The following ISG20 variants were observed in gnomAD, a reference collection of about 807,000 sequenced individuals.
ISG20 encodes interferon-stimulated gene 20 kDa protein.
A neutral mutation model predicts 11.1 loss-of-function variants in ISG20; 8 were observed. That is an observed-to-expected ratio of 0.72 (90% confidence interval 0.42 to 1.30). The LOEUF is 1.30. ISG20 is among the 50% of genes most tolerant of loss of function. ISG20 has a pLI of 0.01. For missense variants in ISG20, 243 were observed against 250.2 expected (o/e 0.97, Z 0.19); for synonymous variants, 110 against 101.7 (o/e 1.08, Z -0.49).
At chr15:88,651,675 G>A (rs74553821) in intron 2 of ISG20, 21 of 604,310 alleles carry the variant, frequency 3.5e-5, no homozygotes, top group South Asian at 6.1e-5. Context: ...AGTTCTGCCC[G>A]GAACTTTAAT....
chr15:88,646,047 A>G (rs552182186), intron 2 of ISG20, among the ~76,000 whole-genome samples: 33 of 152,298 alleles, frequency 2.2e-4, no homozygotes, highest in Admixed American at 4.6e-4. Flanking sequence ...TGCTGTTGAG[A>G]TGTGGTGATG....
intron 3 of ISG20, among the ~76,000 whole-genome samples, chr15:88,654,448 GCCTGGAAAAGGAGCC>G (rs1353830741): frequency 6.6e-6 from 1 of 152,236 alleles, no homozygotes; most frequent in African/African-American, 2.4e-5. Flanking sequence ...TGTCTGGAGT[GCCTGGAAAAGGAGCC>G]CCTGTGAGAA....
rs765832326 is a variant in ISG20 at position 88,652,227 on chromosome 15, T to C, written c.346T>C (p.Leu116=). The change falls in exon 3 of 4, where the codon TTG becomes CTG. Residue 116 remains leucine, a synonymous_variant. Coordinates refer to ENST00000306072, the MANE Select transcript of ISG20 (RefSeq NM_002201.6). ...CTACGACACGTCCACTGACAGGCTG[T>C]TGTGGCGTGAGGCCAAGCTGGACCA... ...TIYDTSTDRL[L]WREAKLDHCR... is the part of the protein sequence containing the mutation. 2.3e-5 allele frequency: 37 copies of C among 1,613,934 alleles called. No individual in the cohort carries two copies. Among genetic ancestry groups the C allele is most frequent in the Admixed American group, 5.0e-5 (3 of 60,000 alleles).
intron 2 of ISG20, chr15:88,651,089 G>T: frequency 2.0e-6 from 1 of 503,802 alleles, no homozygotes; most frequent in Non-Finnish European, 2.6e-6. Flanking sequence ...ATAGAATTGC[G>T]GTCCCAGAGA....
chr15:88,639,538 G>T lies in ISG20; in HGVS notation c.172G>T (p.Gly58Trp). The T allele has an allele frequency of 1.2e-6, 2 of 1,614,158 alleles. No individual in the cohort carries two copies. The highest frequency in any genetic ancestry group is 1.7e-6 in the Non-Finnish European group (2 of 1,180,018). ...EITDYRTRVS[G>W]VTPQHMVGAT... ...CACCGATTACAGAACCCGGGTCAGC[G>T]GGGTCACCCCTCAGCACATGGTGGG... Residue 58 changes from glycine (G) to tryptophan (W), a missense_variant, in exon 2 of 4, where the codon GGG becomes TGG. Gly to Trp is a radical substitution (Grantham distance 184). Transcript: ENST00000306072. This position sits in a 1 kb window ranked among gnomAD's most constrained non-coding sequence, Gnocchi z 4.2.
chr15:88,642,306 C>A (rs2058095298), intron 2 of ISG20, among the ~76,000 whole-genome samples: 1 of 152,176 alleles, frequency 6.6e-6, no homozygotes, highest in Non-Finnish European at 1.5e-5. Context: ...CTTCATCCTA[C>A]CTTAACTAAT....
At position 88,650,851 on chromosome 15, in the gene ISG20, T is replaced by A. The variant is rs2058261897; in HGVS notation, c.229-1259T>A. Reference sequence around the variant, plus strand: ...TGCAGTGGCACGATCTCAGCTCACTTGCAATCTCCCTCCCAGGCTCAAGCA... The same window carrying A: ...TGCAGTGGCACGATCTCAGCTCACTAGCAATCTCCCTCCCAGGCTCAAGCA... On this transcript the variant is annotated intron_variant, in intron 2 of 3. Transcript: ENST00000306072. This position sits in a 1 kb window ranked among gnomAD's most constrained non-coding sequence, Gnocchi z 4.0. 1 of 153,046 alleles carries A rather than the reference T, an allele frequency of 6.5e-6. No individual in the cohort carries two copies. Among genetic ancestry groups the A allele is most frequent in the Admixed American group, 6.5e-5 (1 of 15,398 alleles). 9.5% of individuals were successfully genotyped at this position (153,046 alleles called of 1,614,324 possible).
chr15:88,640,504 C>T (rs2058062440), intron 2 of ISG20, among the ~76,000 whole-genome samples: 1 of 152,200 alleles, frequency 6.6e-6, no homozygotes, highest in Admixed American at 6.5e-5. Context: ...GGGTCAGTTT[C>T]AATCTCAGTT....
Position 88,643,695 on chromosome 15 carries a change from A to T in ISG20, c.228+4101A>T, listed in dbSNP as rs2058120011. Among the ~76,000 whole-genome samples, 1 of 152,112 alleles carries T rather than the reference A, an allele frequency of 6.6e-6. No individual in the cohort carries two copies. The highest frequency in any genetic ancestry group is 1.5e-5 in the Non-Finnish European group (1 of 68,014). On this transcript the variant is annotated intron_variant, in intron 2 of 3. Coordinates refer to ENST00000306072, the MANE Select transcript of ISG20 (RefSeq NM_002201.6). The surrounding 1 kb of genome is among the most constrained non-coding windows in gnomAD (Gnocchi z 4.4). ...ACTCCAGCCTGGGCGACAGAGCAAGACCCCATCTCAAAAAAAGAAAAAATT... is the reference window on the plus strand; with the variant it reads ...ACTCCAGCCTGGGCGACAGAGCAAGTCCCCATCTCAAAAAAAGAAAAAATT...
At chr15:88,637,031 G>T (rs2057995329), upstream of ISG20, among the ~76,000 whole-genome samples, 1 of 152,166 alleles carries the variant, frequency 6.6e-6, no homozygotes. Flanking sequence ...TGGGAGGTGG[G>T]AATGGTAAGG....
intron 2 of ISG20, chr15:88,648,397 C>T (rs139166201): frequency 1.3e-5 from 2 of 152,186 alleles, no homozygotes; most frequent in African/African-American, 4.8e-5. Flanking sequence ...ATTTTTGGAT[C>T]AGGCACATCT....
rs1400071057 is a variant in ISG20, at chr15:88,639,076, G to A, written c.-25G>A. 5.7e-6 allele frequency: 3 copies of A among 525,310 alleles called. No individual in the cohort carries two copies. The highest frequency in any genetic ancestry group is 1.0e-5 in the Non-Finnish European group (3 of 294,658). The allele number at this position is 525,310 out of a possible 1,614,324, so 32.5% of individuals were successfully genotyped here. A position where few individuals can be genotyped will look rare whatever the true frequency, so the allele number is the denominator to read the frequency against. On this transcript the variant is annotated splice_region_variant and 5_prime_UTR_variant, in exon 1 of 4. Transcript: ENST00000306072. This position sits in a 1 kb window ranked among gnomAD's most constrained non-coding sequence, Gnocchi z 4.2. ...TGAGCTGAGGGCGCAGAGGCAGGCA[G>A]GTGAGAGCGGGAGCTGGAGCAGCAG...
In ISG20 at chr15:88,655,858, T is replaced by C. The variant is rs1286647694; in HGVS notation, c.*327T>C. 1 of 222,388 alleles carries C rather than the reference T, an allele frequency of 4.5e-6. No individual in the cohort carries two copies. Among genetic ancestry groups the C allele is most frequent in the African/African-American group, 2.4e-5 (1 of 42,552 alleles). 13.8% of individuals were successfully genotyped at this position (222,388 alleles called of 1,614,324 possible). ...TAATTACTAATCCCACCCTTTGCTG[T>C]TGCATCCCAGCCCTATTCCTGGTGC... On this transcript the variant is annotated 3_prime_UTR_variant, in exon 4 of 4. Coordinates refer to ENST00000306072, the MANE Select transcript of ISG20 (RefSeq NM_002201.6).
upstream of ISG20, among the ~76,000 whole-genome samples, chr15:88,635,657 A>C (rs2057974523): frequency 6.6e-6 from 1 of 152,212 alleles, no homozygotes; most frequent in African/African-American, 2.4e-5. Context: ...ATTGGTTTAC[A>C]TTTCTCTTGA....
chr15:88,652,326 TC>T lies in ISG20; in HGVS notation c.429+18del, dbSNP rs199940530. Reference sequence around the variant, plus strand: ...GAGCATCCAGGTGAGAACCTCCTCGTCCTTCTCCTCCTCCCCCCTCCTCCCC... The same window carrying T: ...GAGCATCCAGGTGAGAACCTCCTCGTCTTCTCCTCCTCCCCCCTCCTCCCC... On this transcript the variant is annotated intron_variant, in intron 3 of 3. Coordinates refer to ENST00000306072, the MANE Select transcript of ISG20 (RefSeq NM_002201.6). 2.4e-3 allele frequency: 3,754 copies of T among 1,587,686 alleles called. 123 individuals carry two copies. In the African/African-American group the frequency reaches 0.045, roughly 19 times the overall value.
intron 3 of ISG20, among the ~76,000 whole-genome samples, chr15:88,654,632 G>A (rs1289277159): frequency 3.9e-5 from 6 of 152,276 alleles, no homozygotes; most frequent in East Asian, 3.9e-4. Context: ...CTGTGTACTC[G>A]CCTCTGCAAG....
At chr15:88,637,397 G>A (rs1057100075), upstream of ISG20, 5 of 149,868 alleles carry the variant, frequency 3.3e-5, no homozygotes, top group South Asian at 4.2e-4. Flanking sequence ...GAAGTGCCTC[G>A]GTGATGAACA....
intron 2 of ISG20, chr15:88,651,214 G>A (rs930155021): frequency 1.0e-6 from 1 of 985,268 alleles, no homozygotes; most frequent in Non-Finnish European, 1.2e-6. Context: ...ATCAGAGTAA[G>A]CCTGGGCATG....
intron 2 of ISG20, among the ~76,000 whole-genome samples, chr15:88,640,054 G>C (rs1212932048): frequency 6.6e-6 from 1 of 152,244 alleles, no homozygotes; most frequent in East Asian, 1.9e-4. Flanking sequence ...TTCTGACCCA[G>C]AGTAGGCTGT....
Sources: gnomAD v4.1 joint callset for allele counts (sites outside exome capture counted in the v4.1 genomes callset) on GRCh38, gnomAD v4.1.1 for gene constraint, Gnocchi (gnomAD v3.1) non-coding constraint, MANE v1.5 for transcripts, NCBI Gene and HGNC (gene_info 2026-07-23, HGNC 2026-07-21) for gene names.